Variants in DCT observed in about 807,000 individuals in gnomAD.
The protein encoded by DCT is dopachrome tautomerase.
DCT carries 47 observed loss-of-function variants against 53.0 expected under a neutral mutation model. That is an observed-to-expected ratio of 0.89 (90% CI 0.70 to 1.13). The LOEUF (loss-of-function observed/expected upper bound fraction) is 1.13, where lower values mean the gene tolerates loss of function less well. Ranked by LOEUF, DCT falls within the 50% of genes most tolerant of loss-of-function variation. DCT has a pLI of 0.00. For synonymous variants in DCT, 244 were observed against 237.0 expected, an observed-to-expected ratio of 1.03 and a Z score of -0.27; for missense variants, 669 against 637.4, an observed-to-expected ratio of 1.05 and a Z score of -0.53.
chr13:94,462,118 A>T lies in DCT; in HGVS notation c.935T>A (p.Met312Lys), dbSNP rs1159271690. 2 of 1,613,268 alleles carry T rather than the reference A, an allele frequency of 1.2e-6. No homozygotes were observed. The highest frequency in any genetic ancestry group is 2.2e-5 in the East Asian group (1 of 44,872). ...TGGCAATTTCATGCTGTTTCTTCCC[A>T]TTTGATTTCTTCTCAGCAAACCTTC... ...TYEGLLRRNQ[M>K]GRNSMKLPTL... The change falls in exon 5 of 8, where the codon ATG (methionine) becomes AAG (lysine). Residue 312 changes from methionine to lysine, a missense_variant. Transcript: ENST00000377028.
the DCT span, among the ~76,000 whole-genome samples, chr13:94,534,166 T>C: frequency 2.0e-5 from 3 of 151,292 alleles, no homozygotes; most frequent in African/African-American, 7.3e-5. Flanking sequence ...TAAAAATGTA[T>C]ATAATAAATT....
chr13:94,468,958 T>C lies in DCT; in HGVS notation c.383A>G (p.Gln128Arg). 5 of 1,614,176 alleles carry C rather than the reference T, an allele frequency of 3.1e-6. No individual in the cohort carries two copies. Among genetic ancestry groups the C allele is most frequent in the Non-Finnish European group, 4.2e-6 (5 of 1,180,026 alleles). ...CERKKPPVIR[Q>R]NIHSLSPQER... ...CTGAGGACTCAAGGAATGGATGTTC[T>C]GCCGAATCACTGGTGGTTTCTTCCG... Residue 128 changes from glutamine (Q) to arginine (R), a missense_variant, in exon 2 of 8, where the codon CAG becomes CGG. By Grantham distance (43) the Gln-to-Arg change is conservative (BLOSUM62 1). Transcript: ENST00000377028.
Position 94,466,625 on chromosome 13 carries a change from G to A in DCT, c.629C>T (p.Ser210Leu), listed in dbSNP as rs763276807. Residue 210 changes from serine to leucine, a missense_variant, in exon 3 of 8, where the codon TCA becomes TTA. By Grantham distance (145) the Ser-to-Leu change is moderately radical. Coordinates refer to ENST00000377028, the MANE Select transcript of DCT (RefSeq NM_001922.5). Reference sequence around the variant, plus strand: ...GGTAACAAATGCAGGTCCTTGATGTGAGAAATCTATGGCCCTGTAGGGGCG... The same window carrying A: ...GGTAACAAATGCAGGTCCTTGATGTAAGAAATCTATGGCCCTGTAGGGGCG... ...PGRPYRAIDF[S>L]HQGPAFVTWH... The A allele has an allele frequency of 1.9e-6, 3 of 1,612,124 alleles. No individual in the cohort carries two copies. Among genetic ancestry groups the A allele is most frequent in the East Asian group, 4.5e-5 (2 of 44,746 alleles).
the DCT span, among the ~76,000 whole-genome samples, chr13:94,490,307 C>A: frequency 1.3e-5 from 2 of 151,788 alleles, no homozygotes; most frequent in African/African-American, 4.8e-5. Flanking sequence ...GAGTTCTAGA[C>A]CAGACTGACC....
the DCT span, among the ~76,000 whole-genome samples, chr13:94,547,104 T>A: frequency 1.4e-5 from 2 of 144,970 alleles, no homozygotes; most frequent in African/African-American, 5.4e-5. Flanking sequence ...CTTTACTTCC[T>A]TTCATTCCTG....
intron 6 of DCT, among the ~76,000 whole-genome samples, chr13:94,451,022 G>A (rs1278999678): frequency 6.6e-6 from 1 of 152,046 alleles, no homozygotes; most frequent in East Asian, 1.9e-4. Flanking sequence ...ATCCATTCAG[G>A]TGACATTTAG....
chr13:94,484,120 A>G (rs1209648871), upstream of DCT, among the ~76,000 whole-genome samples: 1 of 152,174 alleles, frequency 6.6e-6, no homozygotes. Flanking sequence ...TGTGCTGTAC[A>G]CTGTGTTCAC....
intron 1 of DCT, among the ~76,000 whole-genome samples, chr13:94,477,797 TA>T (rs1411995083): frequency 1.3e-5 from 2 of 152,184 alleles, no homozygotes; most frequent in Non-Finnish European, 2.9e-5. Flanking sequence ...AGAAGAGAAG[TA>T]AAAAGTATTT....
intron 6 of DCT, 62 bp downstream of exon 6, chr13:94,460,029 G>A: frequency 6.6e-7 from 1 of 1,512,006 alleles, no homozygotes; most frequent in Non-Finnish European, 9.1e-7. Flanking sequence ...TTAATTGTAT[G>A]AAAAAATAAA....
chr13:94,458,321 T>C (rs1883541469), intron 6 of DCT, among the ~76,000 whole-genome samples: 1 of 152,130 alleles, frequency 6.6e-6, no homozygotes, highest in African/African-American at 2.4e-5. Flanking sequence ...CAACACCCAC[T>C]GGCTGAGACT....
At chr13:94,500,123 C>T in the DCT span, among the ~76,000 whole-genome samples, 1 of 152,156 alleles carries the variant, frequency 6.6e-6, no homozygotes, top group East Asian at 1.9e-4. Flanking sequence ...ATTCATCCTA[C>T]ACATCTGAAG....
chr13:94,476,744 G>A (rs536095771), intron 1 of DCT, among the ~76,000 whole-genome samples: 6 of 152,168 alleles, frequency 3.9e-5, no homozygotes, highest in East Asian at 1.9e-4. Flanking sequence ...TCCCAAAGGC[G>A]TGAGCCACTG....
the DCT span, among the ~76,000 whole-genome samples, chr13:94,521,040 A>C: frequency 5.3e-5 from 8 of 152,218 alleles, no homozygotes; most frequent in Admixed American, 5.2e-4. Flanking sequence ...GAAGGTAAAG[A>C]TGTTTCAACA....
At chr13:94,521,298 G>C in the DCT span, among the ~76,000 whole-genome samples, 5 of 152,336 alleles carry the variant, frequency 3.3e-5, no homozygotes, top group East Asian at 5.8e-4. Flanking sequence ...GCTTGTTAAA[G>C]TTAGTTACTA....
chr13:94,452,536 C>T (rs1041556396), intron 6 of DCT: 18 of 718,660 alleles, frequency 2.5e-5, no homozygotes, highest in Admixed American at 1.7e-4. Context: ...AGAGGCAATT[C>T]TGTAACATTT....
chr13:94,516,770 G>A, the DCT span, among the ~76,000 whole-genome samples: 17 of 151,374 alleles, frequency 1.1e-4, no homozygotes, highest in Admixed American at 4.0e-4. Flanking sequence ...TCTGCAGTGA[G>A]TTCCCACCAC....
At chr13:94,504,336 C>A in the DCT span, among the ~76,000 whole-genome samples, 3 of 152,098 alleles carry the variant, frequency 2.0e-5, no homozygotes, top group Non-Finnish European at 4.4e-5. Context: ...TTTGGTGGTG[C>A]TGGGGCATTT....
chr13:94,543,220 G>T, the DCT span, among the ~76,000 whole-genome samples: 2 of 152,138 alleles, frequency 1.3e-5, no homozygotes, highest in Non-Finnish European at 2.9e-5. Flanking sequence ...GTCACTTAGT[G>T]TTAAGAGATA....
intron 1 of DCT, among the ~76,000 whole-genome samples, chr13:94,469,643 A>T (rs1455057671): frequency 6.6e-6 from 1 of 152,112 alleles, no homozygotes; most frequent in South Asian, 2.1e-4. Context: ...TAGCAGACTC[A>T]TGCACACACT....
Sources: allele counts gnomAD v4.1 joint callset (sites outside exome capture counted in the v4.1 genomes callset), GRCh38; gene constraint gnomAD v4.1.1; transcripts MANE v1.5; gene names NCBI Gene and HGNC (gene_info 2026-07-23, HGNC 2026-07-21).